Variants in CFLAR observed in about 807,000 individuals in gnomAD.
CFLAR encodes CASP8 and FADD like apoptosis regulator, also known as CASP8 and FADD-like apoptosis regulator.
In CFLAR, 14 loss-of-function variants were observed where a neutral mutation model predicts 51.1. The observed-to-expected ratio is 0.27, with a 90% CI of 0.18 to 0.43. The LOEUF (loss-of-function observed/expected upper bound fraction) is 0.43. Ranked by LOEUF, CFLAR falls within the 20% of genes least tolerant of loss-of-function variation. The pLI is 1.00. For synonymous variants in CFLAR, 210 were observed against 211.6 expected (o/e 0.99, Z 0.06); for missense variants, 390 against 566.5 (o/e 0.69, Z 3.16).
intron 4 of CFLAR, chr2:201,137,288 CA>C: frequency 3.9e-6 from 1 of 257,070 alleles, no homozygotes; most frequent in Non-Finnish European, 7.7e-6. Flanking sequence ...TGCCTGGGTT[CA>C]GGGGGGCTCC....
chr2:201,154,128 G>T, intron 8 of CFLAR: 1 of 281,806 alleles, frequency 3.5e-6, no homozygotes, highest in Non-Finnish European at 6.9e-6. Context: ...TTTCCCTTTT[G>T]TTGCCCAGGT....
At chr2:201,140,670 C>T (rs1018294936) in intron 5 of CFLAR, 14 of 431,532 alleles carry the variant, frequency 3.2e-5, no homozygotes, top group South Asian at 3.3e-5. Flanking sequence ...ACCTATATTC[C>T]ACTATCCAAA....
At chr2:201,148,399 C>A (rs1171809088) in intron 6 of CFLAR, 2 of 151,778 alleles carry the variant, frequency 1.3e-5, no homozygotes, top group Non-Finnish European at 2.9e-5. Flanking sequence ...ACTGGTTGTT[C>A]TTCCACCTCC....
chr2:201,151,275 A>G (rs1941236918), intron 8 of CFLAR: 1 of 152,222 alleles, frequency 6.6e-6, no homozygotes, highest in South Asian at 2.1e-4. Context: ...TCAAAAGAGA[A>G]TGAGAAGAGC....
In CFLAR at chr2:201,168,496, A is replaced by G. The variant is rs937598841; in HGVS notation, c.*4523A>G. On this transcript the variant is annotated 3_prime_UTR_variant, in exon 10 of 10. Coordinates refer to ENST00000309955, the MANE Select transcript of CFLAR (RefSeq NM_003879.7). ...TATCTCAAAATAATAACCATTTATG[A>G]CAAACCCACAGCCATTATCATACTG... 2 of 152,182 alleles carry G rather than the reference A, an allele frequency of 1.3e-5. No individual in the cohort carries two copies. The highest frequency in any genetic ancestry group is 4.8e-5 in the African/African-American group (2 of 41,438). The allele number at this position is 152,182 out of a possible 1,614,324, so 9.4% of individuals were successfully genotyped here. A position where few individuals can be genotyped will look rare whatever the true frequency, so the allele number is the denominator to read the frequency against.
At chr2:201,123,250 G>C (rs2048358253) in intron 1 of CFLAR, among the ~76,000 whole-genome samples, 1 of 152,190 alleles carries the variant, frequency 6.6e-6, no homozygotes, top group Non-Finnish European at 1.5e-5. Context: ...GATAATGTCT[G>C]GTTGGAATTT....
chr2:201,145,999 C>T (rs1217823576), intron 6 of CFLAR, among the ~76,000 whole-genome samples: 1 of 151,680 alleles, frequency 6.6e-6, no homozygotes, highest in Non-Finnish European at 1.5e-5. Context: ...CGGGGTCTCA[C>T]TCTGTCACCC....
At position 201,153,949 on chromosome 2, in the gene CFLAR, G is replaced by T. The variant is rs1460978257; in HGVS notation, c.793+4114G>T. On this transcript the variant is annotated intron_variant, in intron 8 of 9. Coordinates refer to ENST00000309955, the MANE Select transcript of CFLAR (RefSeq NM_003879.7). Reference sequence around the variant, plus strand: ...TTGACAGAGTCTTGCTCTGTCGCCAGGCTGGAGTGCAGTGGTGCAATCTTG... The same window carrying T: ...TTGACAGAGTCTTGCTCTGTCGCCATGCTGGAGTGCAGTGGTGCAATCTTG... 5.8e-5 allele frequency among the ~76,000 whole-genome samples: 8 copies of T among 139,096 alleles called. No individual in the cohort carries two copies. In the East Asian group the frequency reaches 1.7e-3, roughly 29 times the overall value. 91.3% of individuals were successfully genotyped at this position (139,096 alleles called of 152,430 possible). A position where few individuals can be genotyped will look rare whatever the true frequency, so the allele number is the denominator to read the frequency against.
chr2:201,119,733 C>T (rs1178680265), intron 1 of CFLAR, among the ~76,000 whole-genome samples: 2 of 151,876 alleles, frequency 1.3e-5, no homozygotes, highest in Non-Finnish European at 2.9e-5. Context: ...TTCAGACACT[C>T]TTCAGTCAAG....
intron 4 of CFLAR, chr2:201,137,541 T>C (rs530673147): frequency 1.5e-6 from 1 of 683,770 alleles, no homozygotes; most frequent in East Asian, 2.7e-5. Context: ...CTCGTAAGAG[T>C]GCAGGCCATG....
chr2:201,150,753 C>T (rs1410660374), intron 8 of CFLAR, among the ~76,000 whole-genome samples: 2 of 152,114 alleles, frequency 1.3e-5, no homozygotes, highest in African/African-American at 4.8e-5. Flanking sequence ...TGCATCATTT[C>T]CACCCCATTA....
chr2:201,137,564 G>A (rs1352162579), intron 4 of CFLAR: 3 of 720,088 alleles, frequency 4.2e-6, no homozygotes, highest in Non-Finnish European at 7.7e-6. Flanking sequence ...TGCCACCGTC[G>A]ATCTGGGCTG....
At position 201,164,132 on chromosome 2, in the gene CFLAR, G is replaced by A; in HGVS notation, c.*159G>A. On this transcript the variant is annotated 3_prime_UTR_variant, in exon 10 of 10. Transcript: ENST00000309955. ...ATACAAAAATTAGCTGGGTGTGGGT[G>A]TGGGTACCTGTATTCCCAGTTACTT... 1.9e-6 allele frequency: 1 copy of A among 525,132 alleles called. No homozygotes were observed. Among genetic ancestry groups the A allele is most frequent in the Non-Finnish European group, 3.3e-6 (1 of 302,046 alleles). The allele number at this position is 525,132 out of a possible 1,614,324, so 32.5% of individuals were successfully genotyped here. A position where few individuals can be genotyped will look rare whatever the true frequency, so the allele number is the denominator to read the frequency against.
Position 201,143,907 on chromosome 2 carries a change from G to A in CFLAR, c.607-1471G>A, listed in dbSNP as rs190173879. The stretch of plus-strand genomic sequence containing the variant: ...AACCCAGGCGGCAGAGGTTGCAGGC[G>A]CCACTGCACCCCACCCTGGGTGACA... On this transcript the variant is annotated intron_variant, in intron 5 of 9. Transcript: ENST00000309955. Among the ~76,000 whole-genome samples, 929 of 151,446 alleles carry A rather than the reference G, an allele frequency of 6.1e-3. 15 individuals are homozygous for A. The highest frequency in any genetic ancestry group is 5.0e-3 in the Non-Finnish European group (336 of 67,860).
chr2:201,124,362 T>C lies in CFLAR; in HGVS notation c.-137-5367T>C, dbSNP rs1454351832. 6.6e-6 allele frequency among the ~76,000 whole-genome samples: 1 copy of C among 152,172 alleles called. No homozygotes were observed. The highest frequency in any genetic ancestry group is 2.4e-5 in the African/African-American group (1 of 41,440). On this transcript the variant is annotated intron_variant, in intron 1 of 9. Transcript: ENST00000309955. The surrounding 1 kb of genome is among the most constrained non-coding windows in gnomAD (Gnocchi z 4.7). Reference sequence around the variant, plus strand: ...TTGTTTTGTTTTTCGAGACGGAGTTTCACTCTTGTTGCCCAGGCTGGAGTG... The same window carrying C: ...TTGTTTTGTTTTTCGAGACGGAGTTCCACTCTTGTTGCCCAGGCTGGAGTG...
rs560352474 is a variant in CFLAR at position 201,159,441 on chromosome 2, C to T, written c.794-991C>T. Among the ~76,000 whole-genome samples the T allele has an allele frequency of 1.2e-3, 185 of 152,166 alleles. 1 individual carries two copies. The highest frequency in any genetic ancestry group is 4.3e-3 in the African/African-American group (177 of 41,502). Reference sequence around the variant, plus strand: ...TCTCCTGCCTCAGCCTCCTGAGTAGCTGGGACTACAGGTGCGTGCCACTAC... The same window carrying T: ...TCTCCTGCCTCAGCCTCCTGAGTAGTTGGGACTACAGGTGCGTGCCACTAC... On this transcript the variant is annotated intron_variant, in intron 8 of 9. Transcript: ENST00000309955.
chr2:201,174,109 A>G lies in CFLAR; in HGVS notation c.*10136A>G. 1 of 152,194 alleles carries G rather than the reference A, an allele frequency of 6.6e-6. No individual in the cohort carries two copies. Among genetic ancestry groups the G allele is most frequent in the East Asian group, 1.9e-4 (1 of 5,204 alleles). 9.4% of individuals were successfully genotyped at this position (152,194 alleles called of 1,614,324 possible). A position where few individuals can be genotyped will look rare whatever the true frequency, so the allele number is the denominator to read the frequency against. ...CACTTTCTGGATACTATACAGTACA[A>G]GTTTTAAATTTTGATGAAGTTCACT... On this transcript the variant is annotated 3_prime_UTR_variant, in exon 10 of 10. Coordinates refer to ENST00000309955, the MANE Select transcript of CFLAR (RefSeq NM_003879.7).
chr2:201,161,733 T>G (rs1381715822), intron 9 of CFLAR, among the ~76,000 whole-genome samples: 53 of 80,610 alleles, frequency 6.6e-4, no homozygotes, highest in Admixed American at 2.3e-3. Context: ...TTATTTTTAA[T>G]TTTTCTTTTT....
intron 1 of CFLAR, among the ~76,000 whole-genome samples, chr2:201,127,874 C>CATGG (rs1245436604): frequency 6.6e-6 from 1 of 152,054 alleles, no homozygotes; most frequent in Non-Finnish European, 1.5e-5. Context: ...AGAAAGCAGT[C>CATGG]ATGGGTGTGA....
Sources: gnomAD v4.1 joint callset for allele counts (sites outside exome capture counted in the v4.1 genomes callset) on GRCh38, gnomAD v4.1.1 for gene constraint, Gnocchi (gnomAD v3.1) non-coding constraint, MANE v1.5 for transcripts, NCBI Gene and HGNC (gene_info 2026-07-23, HGNC 2026-07-21) for gene names.